The following EXD2 variants were observed in gnomAD, a reference collection of about 807,000 sequenced individuals.
EXD2 encodes exonuclease 3'-5' domain containing 2, also known as exonuclease 3'-5' domain-containing protein 2.
Under a neutral mutation model 62.5 loss-of-function variants are expected in EXD2, and 40 were observed. The ratio of observed to expected loss-of-function variants is 0.64; its 90% CI spans 0.50 to 0.83. EXD2 has a LOEUF of 0.83. Among genes scored for constraint, EXD2 ranks in the 40% least tolerant of loss-of-function variants. The probability of loss-of-function intolerance (pLI) is 0.00; values close to 1 mark genes in which losing one functional copy is unlikely to be tolerated. For missense variants in EXD2, 671 were observed against 761.8 expected (o/e 0.88, Z 1.40); for synonymous variants, 239 against 291.9 (o/e 0.82, Z 1.85).
intron 4 of EXD2, among the ~76,000 whole-genome samples, 168 bp downstream of exon 4, chr14:69,229,240 C>T (rs2043481618): frequency 6.6e-6 from 1 of 152,178 alleles, no homozygotes; most frequent in South Asian, 2.1e-4. Flanking sequence ...TTCTGTGAAA[C>T]TTTGGTTACC....
chr14:69,234,813 G>C lies in EXD2; in HGVS notation c.831G>C (p.Trp277Cys). 6.2e-7 allele frequency: 1 copy of C among 1,614,152 alleles called. No individual in the cohort carries two copies. The highest frequency in any genetic ancestry group is 8.5e-7 in the Non-Finnish European group (1 of 1,180,040). Residue 277 changes from tryptophan (W) to cysteine (C), a missense_variant, in exon 6 of 10, where the codon TGG (tryptophan) becomes TGC (cysteine). Trp to Cys is a radical substitution (Grantham distance 215, BLOSUM62 -2). Coordinates refer to ENST00000685843, the MANE Select transcript of EXD2 (RefSeq NM_001193360.2). ...AAAAAAACGATGACCACAGTAGCTGGAGAAAAGTCTTGGAAAAATGCCAGG... is the reference window on the plus strand; with the variant it reads ...AAAAAAACGATGACCACAGTAGCTGCAGAAAAGTCTTGGAAAAATGCCAGG... ...PGEKNDDHSSWRKVLEKCQGV... is the reference protein window; with the variant it reads ...PGEKNDDHSSCRKVLEKCQGV...
intron 6 of EXD2, 165 bp from the exon 7 acceptor site, chr14:69,235,881 G>A: frequency 2.9e-6 from 2 of 683,938 alleles, no homozygotes; most frequent in South Asian, 3.2e-5. Context: ...CCCAGTGCAG[G>A]TGAGGATTAA....
Position 69,241,808 on chromosome 14 carries a change from A to G in EXD2, c.*708A>G. On this transcript the variant is annotated 3_prime_UTR_variant, in exon 10 of 10. Coordinates refer to ENST00000685843, the MANE Select transcript of EXD2 (RefSeq NM_001193360.2). The stretch of plus-strand genomic sequence containing the variant: ...ACCTGGGTGGGGCAGAAAGAACCAC[A>G]AACTCCATCTCCCAATAGAACTTTG... 1 of 399,038 alleles carries G rather than the reference A, an allele frequency of 2.5e-6. No individual in the cohort carries two copies. The highest frequency in any genetic ancestry group is 4.4e-6 in the Non-Finnish European group (1 of 226,062). The allele number at this position is 399,038 out of a possible 1,614,324, so 24.7% of individuals were successfully genotyped here.
At chr14:69,219,302 C>T (rs1291253025) in intron 3 of EXD2, among the ~76,000 whole-genome samples, 1 of 152,106 alleles carries the variant, frequency 6.6e-6, no homozygotes, top group African/African-American at 2.4e-5. Flanking sequence ...TGATTTGGCT[C>T]TCTGTTTGTC....
At chr14:69,239,686 C>A (rs118107222) in intron 9 of EXD2, among the ~76,000 whole-genome samples, 1,781 of 152,288 alleles carry the variant, frequency 0.012, 26 homozygotes, top group Middle Eastern at 0.051. Flanking sequence ...ATTTTATCCC[C>A]ATAACTATTT....
intron 8 of EXD2, among the ~76,000 whole-genome samples, chr14:69,237,317 C>T (rs1416006084): frequency 6.6e-6 from 1 of 152,182 alleles, no homozygotes; most frequent in Non-Finnish European, 1.5e-5. Context: ...TGTTATTAAC[C>T]TGTCACTATG....
chr14:69,240,576 C>T (rs1233147427), intron 9 of EXD2, among the ~76,000 whole-genome samples: 3 of 152,064 alleles, frequency 2.0e-5, no homozygotes, highest in Admixed American at 2.0e-4. Context: ...AATGGAAGAC[C>T]AGCATTCTTC....
At chr14:69,198,629 T>G (rs2042287523) in intron 1 of EXD2, among the ~76,000 whole-genome samples, 1 of 152,214 alleles carries the variant, frequency 6.6e-6, no homozygotes, top group Non-Finnish European at 1.5e-5. Flanking sequence ...AAGTAGAATG[T>G]GAGCCCCAAT....
At position 69,242,806 on chromosome 14, in the gene EXD2, T is replaced by C. The variant is rs2044014281; in HGVS notation, c.*1706T>C. Reference sequence around the variant, plus strand: ...CAAGAGGGCACTCATAGATTTGTTTTTATATTCATTCTTGAGAAAAAAGCA... The same window carrying C: ...CAAGAGGGCACTCATAGATTTGTTTCTATATTCATTCTTGAGAAAAAAGCA... On this transcript the variant is annotated 3_prime_UTR_variant, in exon 10 of 10. Coordinates refer to ENST00000685843, the MANE Select transcript of EXD2 (RefSeq NM_001193360.2). 1 of 152,232 alleles carries C rather than the reference T, an allele frequency of 6.6e-6. No individual in the cohort carries two copies. Among genetic ancestry groups the C allele is most frequent in the Non-Finnish European group, 1.5e-5 (1 of 68,044 alleles). 9.4% of individuals were successfully genotyped at this position (152,232 alleles called of 1,614,324 possible).
At chr14:69,235,941 G>A in intron 6 of EXD2, 105 bp from the exon 7 acceptor site, 1 of 838,920 alleles carries the variant, frequency 1.2e-6, no homozygotes, top group Non-Finnish European at 2.1e-6. Flanking sequence ...TGACCTTAGT[G>A]TTGAGAATAG....
At chr14:69,205,378 T>G (rs2042556295) in intron 2 of EXD2, among the ~76,000 whole-genome samples, 1 of 152,154 alleles carries the variant, frequency 6.6e-6, no homozygotes, top group Admixed American at 6.6e-5. Flanking sequence ...TCTTTATCTG[T>G]CTACTACATT....
chr14:69,240,142 G>A (rs780626323), intron 9 of EXD2, among the ~76,000 whole-genome samples: 88 of 152,192 alleles, frequency 5.8e-4, no homozygotes, highest in Non-Finnish European at 5.4e-4. Context: ...GATTGAACAT[G>A]GGGTATGGAT....
rs963430013 is a variant in EXD2 at position 69,209,713 on chromosome 14, G to A, written c.243G>A (p.Thr81=). 7 of 1,550,298 alleles carry A rather than the reference G, an allele frequency of 4.5e-6. No individual in the cohort carries two copies. Among genetic ancestry groups the A allele is most frequent in the African/African-American group, 1.4e-5 (1 of 73,102 alleles). The change falls in exon 3 of 10, where the codon ACG becomes ACA. Residue 81 remains threonine, a synonymous_variant. Coordinates refer to ENST00000685843, the MANE Select transcript of EXD2 (RefSeq NM_001193360.2). ...KERILKAKVV[T]VSQEAEWDQI... ...GGATCCTTAAAGCAAAGGTGGTGAC[G>A]GTGTCTCAGGAGGCAGAGTGGGATC...
intron 6 of EXD2, 118 bp downstream of exon 6, chr14:69,235,149 G>T: frequency 1.3e-6 from 1 of 798,900 alleles, no homozygotes; most frequent in East Asian, 2.9e-5. Context: ...GCTCTCCCGG[G>T]GTTAATCTTG....
chr14:69,230,930 G>GC (rs1275869596), intron 5 of EXD2, among the ~76,000 whole-genome samples: 1 of 152,052 alleles, frequency 6.6e-6, no homozygotes, highest in African/African-American at 2.4e-5. Context: ...TTACAGATGT[G>GC]CACCACCATG....
At chr14:69,199,260 T>C (rs539759549) in intron 1 of EXD2, among the ~76,000 whole-genome samples, 2 of 152,232 alleles carry the variant, frequency 1.3e-5, no homozygotes, top group East Asian at 3.9e-4. Context: ...AGATAAATAG[T>C]GTTACACTTA....
chr14:69,213,241 C>T (rs1452371570), intron 3 of EXD2, among the ~76,000 whole-genome samples: 1 of 151,624 alleles, frequency 6.6e-6, no homozygotes, highest in African/African-American at 2.4e-5. Context: ...CATGCCATCT[C>T]TTTTTCACAG....
At chr14:69,203,390 T>C (rs1316916872) in intron 1 of EXD2, among the ~76,000 whole-genome samples, 1 of 152,142 alleles carries the variant, frequency 6.6e-6, no homozygotes, top group Non-Finnish European at 1.5e-5. Flanking sequence ...GTATTGCGTA[T>C]AGACCTGAAT....
chr14:69,200,563 C>T (rs979075732), intron 1 of EXD2, among the ~76,000 whole-genome samples: 2 of 151,424 alleles, frequency 1.3e-5, no homozygotes, highest in African/African-American at 4.9e-5. Context: ...AAAAAAATTA[C>T]CCAGGCATCG....
Sources: allele counts gnomAD v4.1 joint callset (sites outside exome capture counted in the v4.1 genomes callset), GRCh38; gene constraint gnomAD v4.1.1; transcripts MANE v1.5; gene names NCBI Gene and HGNC (gene_info 2026-07-23, HGNC 2026-07-21).